MCC: variants seen among roughly 807,000 people sequenced by gnomAD.
MCC encodes colorectal mutant cancer protein.
A neutral mutation model predicts 116.2 loss-of-function variants in MCC; 90 were observed. The observed-to-expected ratio is 0.77, with a 90% CI of 0.65 to 0.92. The LOEUF is 0.92. MCC is among the 40% of genes least tolerant of loss of function. The pLI, the probability that MCC is intolerant of heterozygous loss-of-function variation, is 0.00. For synonymous variants in MCC, 578 were observed against 510.5 expected, an observed-to-expected ratio of 1.13 and a Z score of -1.78; for missense variants, 1,516 against 1,312.2, an observed-to-expected ratio of 1.16 and a Z score of -2.40.
intron 3 of MCC, among the ~76,000 whole-genome samples, chr5:113,251,389 A>G (rs1205575658): frequency 6.6e-6 from 1 of 152,214 alleles, no homozygotes; most frequent in Non-Finnish European, 1.5e-5. Context: ...CATAATGTGT[A>G]CTATGATAAA....
intron 8 of MCC, 66 bp from the exon 9 acceptor site, chr5:113,085,376 G>T: frequency 6.7e-7 from 1 of 1,495,160 alleles, no homozygotes; most frequent in Non-Finnish European, 9.1e-7. Flanking sequence ...ACAGCCAGAT[G>T]GGTAGGTGGT....
At chr5:113,138,070 G>C (rs1438645787) in intron 5 of MCC, among the ~76,000 whole-genome samples, 2 of 151,590 alleles carry the variant, frequency 1.3e-5, no homozygotes, top group Admixed American at 1.3e-4. Flanking sequence ...AGGCTGGAGT[G>C]CAGTGGTGCG....
chr5:113,327,098 G>A (rs1157629523), intron 3 of MCC, among the ~76,000 whole-genome samples: 10 of 152,110 alleles, frequency 6.6e-5, no homozygotes, highest in African/African-American at 2.2e-4. Context: ...AGTAAGCAGC[G>A]GCATTGCTTG....
At chr5:113,339,260 G>A (rs551341541) in intron 3 of MCC, among the ~76,000 whole-genome samples, 40 of 151,724 alleles carry the variant, frequency 2.6e-4, no homozygotes, top group Non-Finnish European at 5.3e-4. Context: ...GACAAAATTT[G>A]CAAAGACAGG....
chr5:113,147,307 A>G (rs1354206887), intron 4 of MCC, among the ~76,000 whole-genome samples: 2 of 152,204 alleles, frequency 1.3e-5, no homozygotes, highest in Non-Finnish European at 2.9e-5. Flanking sequence ...GCCCTGAGTC[A>G]GCCTTGAGAC....
At chr5:113,417,147 T>C (rs1770174513) in intron 1 of MCC, among the ~76,000 whole-genome samples, 1 of 152,064 alleles carries the variant, frequency 6.6e-6, no homozygotes, top group South Asian at 2.1e-4. Context: ...TCTTTCGTAT[T>C]TTAGGAGAGA....
chr5:113,031,584 G>GA (rs111756030), intron 17 of MCC, among the ~76,000 whole-genome samples: 11 of 151,624 alleles, frequency 7.3e-5, no homozygotes, highest in Admixed American at 2.0e-4. Context: ...AGTGTAAAAG[G>GA]AAAAAAAATA....
intron 3 of MCC, among the ~76,000 whole-genome samples, chr5:113,198,698 C>T (rs1274860919): frequency 7.2e-6 from 1 of 139,770 alleles, no homozygotes; most frequent in Non-Finnish European, 1.5e-5. Context: ...ACAGCAACAC[C>T]CCCACCTCAA....
chr5:113,290,435 G>T (rs534642074), intron 3 of MCC, among the ~76,000 whole-genome samples: 1 of 152,238 alleles, frequency 6.6e-6, no homozygotes, highest in East Asian at 1.9e-4. Flanking sequence ...ATCTCCAGAG[G>T]TTATGATTGC....
chr5:113,097,979 C>T (rs1168494838), intron 8 of MCC, among the ~76,000 whole-genome samples: 1 of 152,162 alleles, frequency 6.6e-6, no homozygotes, highest in Non-Finnish European at 1.5e-5. Flanking sequence ...AGGTAGAGCA[C>T]AGTGTGTAAA....
intron 3 of MCC, among the ~76,000 whole-genome samples, chr5:113,179,558 TA>T (rs1158409159): frequency 6.6e-6 from 1 of 152,218 alleles, no homozygotes; most frequent in Non-Finnish European, 1.5e-5. Flanking sequence ...CAGCAGATAG[TA>T]GAATTTTATT....
intron 1 of MCC, among the ~76,000 whole-genome samples, chr5:113,443,974 C>G (rs1024279202): frequency 7.0e-6 from 1 of 143,506 alleles, no homozygotes; most frequent in South Asian, 2.1e-4. Flanking sequence ...AGGGGCCCAC[C>G]ACCATGCTCG....
intron 3 of MCC, among the ~76,000 whole-genome samples, chr5:113,254,713 T>A (rs1400821524): frequency 1.3e-5 from 2 of 152,202 alleles, no homozygotes; most frequent in Non-Finnish European, 2.9e-5. Context: ...ATGGTGCATT[T>A]ATATTTTTGA....
chr5:113,484,143 C>T (rs1004787131), intron 1 of MCC, among the ~76,000 whole-genome samples: 3 of 151,994 alleles, frequency 2.0e-5, no homozygotes, highest in Admixed American at 2.0e-4. Flanking sequence ...GTATCCATAA[C>T]TATAGTGGGC....
intron 1 of MCC, chr5:113,432,766 TA>T (rs1477120450): frequency 6.6e-6 from 1 of 152,122 alleles, no homozygotes. Context: ...AAGGAAAAAA[TA>T]AAAATAAAAC....
chr5:113,429,309 C>T (rs1466715715), intron 1 of MCC, among the ~76,000 whole-genome samples: 6 of 151,890 alleles, frequency 4.0e-5, no homozygotes, highest in Non-Finnish European at 8.8e-5. Context: ...TCTCTCTGTG[C>T]CATGTGAGGG....
intron 6 of MCC, among the ~76,000 whole-genome samples, chr5:113,117,854 G>T (rs1442066370): frequency 1.3e-5 from 2 of 152,208 alleles, no homozygotes; most frequent in Non-Finnish European, 2.9e-5. Context: ...CGCAAAATCT[G>T]ATTGCAAATG....
intron 7 of MCC, among the ~76,000 whole-genome samples, chr5:113,103,961 C>T (rs1756579887): frequency 6.6e-6 from 1 of 152,170 alleles, no homozygotes; most frequent in South Asian, 2.1e-4. Context: ...GTCCTTTTTA[C>T]CGCAAAGCCA....
chr5:113,309,533 A>G (rs184469070), intron 3 of MCC, among the ~76,000 whole-genome samples: 5 of 152,326 alleles, frequency 3.3e-5, no homozygotes, highest in Admixed American at 6.5e-5. Flanking sequence ...TGCTGCAAAG[A>G]CAGTATTTCA....
Sources: allele counts gnomAD v4.1 joint callset (sites outside exome capture counted in the v4.1 genomes callset), GRCh38; gene constraint gnomAD v4.1.1; transcripts MANE v1.5; gene names NCBI Gene and HGNC (gene_info 2026-07-23, HGNC 2026-07-21).